The following OSBPL10 variants were observed in gnomAD, a reference collection of about 807,000 sequenced individuals.
The protein encoded by OSBPL10 is oxysterol-binding protein-related protein 10.
A neutral mutation model predicts 81.7 loss-of-function variants in OSBPL10; 49 were observed. The ratio of observed to expected loss-of-function variants is 0.60; its 90% CI spans 0.48 to 0.76. The LOEUF is 0.76. OSBPL10 is among the 30% of genes least tolerant of loss of function. The pLI, the probability that OSBPL10 is intolerant of heterozygous loss-of-function variation, is 0.00. For missense variants in OSBPL10, 923 were observed against 987.8 expected, an observed-to-expected ratio of 0.93 and a Z score of 0.88; for synonymous variants, 419 against 383.6, an observed-to-expected ratio of 1.09 and a Z score of -1.08.
chr3:31,752,925 C>G lies in OSBPL10; in HGVS notation c.730-4805G>C, dbSNP rs1057062909. On this transcript the variant is annotated intron_variant, in intron 4 of 11. Transcript: ENST00000396556. ...CAAACATTCCTAATCCTAAAGGAAC[C>G]AAAGCTGCTTGTCTTGTTGGCAGAG... Among the ~76,000 whole-genome samples, 6 of 152,294 alleles carry G rather than the reference C, an allele frequency of 3.9e-5. 2 individuals are homozygous for G. The highest frequency in any genetic ancestry group is 1.3e-4 in the Admixed American group (2 of 15,302).
At chr3:32,066,062 T>G in intron 1 of OSBPL10, among the ~76,000 whole-genome samples, 1 of 83,638 alleles carries the variant, frequency 1.2e-5, no homozygotes, top group African/African-American at 3.0e-5. Flanking sequence ...GGTTGCAAGG[T>G]TGCAGTGAGC....
Position 31,980,955 on chromosome 3 carries a change from C to T in OSBPL10, c.225G>A (p.Pro75=). ...ATTTGCTGAGCACGCCCTCGAGCGC[C>T]GGCTCCCTCCTGCGGCCGCCTCCCC... ...PSGGGGRRRE[P]ALEGVLSKYT... The change falls in exon 1 of 12, where the codon CCG becomes CCA. Residue 75 remains proline (P), a synonymous_variant. Transcript: ENST00000396556. 1 of 1,575,008 alleles carries T rather than the reference C, an allele frequency of 6.3e-7. No homozygotes were observed. The highest frequency in any genetic ancestry group is 1.1e-5 in the South Asian group (1 of 87,634).
intron 6 of OSBPL10, among the ~76,000 whole-genome samples, chr3:31,720,057 TTATA>T (rs1696585253): frequency 6.7e-6 from 1 of 148,464 alleles, no homozygotes; most frequent in African/African-American, 2.4e-5. Flanking sequence ...TATATATATA[TTATA>T]TATATTTTAT....
At chr3:31,847,211 T>TAAA (rs369782801) in intron 3 of OSBPL10, among the ~76,000 whole-genome samples, 3,216 of 148,666 alleles carry the variant, frequency 0.022, 89 homozygotes, top group African/African-American at 0.066. Context: ...TTTTTTTTTT[T>TAAA]AAAAAGACAG....
intron 3 of OSBPL10, among the ~76,000 whole-genome samples, chr3:31,866,659 T>C (rs1284581994): frequency 6.6e-6 from 1 of 152,048 alleles, no homozygotes; most frequent in East Asian, 1.9e-4. Context: ...GTGTCAGCTA[T>C]CATTGGAAGT....
intron 1 of OSBPL10, among the ~76,000 whole-genome samples, chr3:31,888,737 A>C (rs779480859): frequency 7.8e-4 from 119 of 152,282 alleles, no homozygotes; most frequent in Non-Finnish European, 1.4e-3. Flanking sequence ...CCTGGCCAAC[A>C]TGGTGAAACC....
At chr3:31,831,574 A>G (rs1334698104) in intron 3 of OSBPL10, among the ~76,000 whole-genome samples, 1 of 152,218 alleles carries the variant, frequency 6.6e-6, no homozygotes, top group African/African-American at 2.4e-5. Context: ...AATTATTAAA[A>G]TGGGCCAAGG....
chr3:31,807,039 T>A (rs1453919670), intron 4 of OSBPL10, among the ~76,000 whole-genome samples: 1 of 152,170 alleles, frequency 6.6e-6, no homozygotes, highest in Non-Finnish European at 1.5e-5. Flanking sequence ...ACAATGGGAA[T>A]CCACTGGAGC....
upstream of OSBPL10, among the ~76,000 whole-genome samples, chr3:31,984,752 G>A (rs539331163): frequency 5.4e-4 from 82 of 152,272 alleles, no homozygotes; most frequent in Non-Finnish European, 9.4e-4. Context: ...AACAAGGAGG[G>A]AATAGTTTTG....
At chr3:32,000,293 A>G (rs1430908872) in intron 2 of OSBPL10, among the ~76,000 whole-genome samples, 2 of 152,168 alleles carry the variant, frequency 1.3e-5, no homozygotes, top group Non-Finnish European at 2.9e-5. Context: ...AAAAACTAAG[A>G]TCAGAGTTAT....
intron 4 of OSBPL10, among the ~76,000 whole-genome samples, chr3:31,790,388 C>T (rs1465983043): frequency 6.6e-6 from 1 of 152,166 alleles, no homozygotes; most frequent in Non-Finnish European, 1.5e-5. Context: ...TGTGGCAGAA[C>T]CCATGAACCC....
intron 4 of OSBPL10, among the ~76,000 whole-genome samples, chr3:31,771,835 C>T (rs191104620): frequency 6.8e-4 from 103 of 152,292 alleles, no homozygotes; most frequent in African/African-American, 2.3e-3. Context: ...CCCTATAACC[C>T]GTTACAGAAA....
intron 3 of OSBPL10, among the ~76,000 whole-genome samples, chr3:31,866,888 TAATA>T (rs1701194340): frequency 6.6e-6 from 1 of 152,152 alleles, no homozygotes; most frequent in Admixed American, 6.5e-5. Flanking sequence ...GCATGAACAT[TAATA>T]TATACACTCC....
chr3:31,719,607 C>T (rs906754630), intron 6 of OSBPL10, among the ~76,000 whole-genome samples: 1 of 152,124 alleles, frequency 6.6e-6, no homozygotes, highest in African/African-American at 2.4e-5. Context: ...AACCCTCACA[C>T]AATGCTGAGA....
chr3:31,750,592 T>C (rs1170851981), intron 4 of OSBPL10, among the ~76,000 whole-genome samples: 1 of 152,242 alleles, frequency 6.6e-6, no homozygotes, highest in African/African-American at 2.4e-5. Flanking sequence ...CTCTGACATT[T>C]GTATGTATAA....
intron 3 of OSBPL10, among the ~76,000 whole-genome samples, chr3:31,831,795 A>G (rs1314989816): frequency 6.6e-6 from 1 of 152,192 alleles, no homozygotes; most frequent in African/African-American, 2.4e-5. Flanking sequence ...AAGGTGGCAA[A>G]ACCCTGAGAA....
chr3:31,812,714 A>G (rs561751417), intron 4 of OSBPL10, among the ~76,000 whole-genome samples: 22 of 44,902 alleles, frequency 4.9e-4, no homozygotes, highest in East Asian at 3.0e-3. Flanking sequence ...ACAGTAGGCA[A>G]AAAAAAAGAA....
chr3:31,812,512 T>C (rs1699706198), intron 4 of OSBPL10, among the ~76,000 whole-genome samples: 1 of 152,054 alleles, frequency 6.6e-6, no homozygotes, highest in Non-Finnish European at 1.5e-5. Flanking sequence ...CTTTTTAGAA[T>C]CTCAAATGAA....
At chr3:31,845,620 C>A (rs1016031741) in intron 3 of OSBPL10, among the ~76,000 whole-genome samples, 1 of 152,164 alleles carries the variant, frequency 6.6e-6, no homozygotes, top group Non-Finnish European at 1.5e-5. Context: ...CAGTAAGAAG[C>A]GGTTCTGTGT....
Sources: allele counts gnomAD v4.1 joint callset (sites outside exome capture counted in the v4.1 genomes callset), GRCh38; gene constraint gnomAD v4.1.1; transcripts MANE v1.5; gene names NCBI Gene and HGNC (gene_info 2026-07-23, HGNC 2026-07-21).